Variants in PRAP1 observed in about 807,000 individuals in gnomAD.
PRAP1 encodes proline-rich acidic protein 1.
Under a neutral mutation model 14.6 loss-of-function variants are expected in PRAP1, and 12 were observed. The observed-to-expected ratio is 0.82, with a 90% CI of 0.53 to 1.33. The LOEUF (loss-of-function observed/expected upper bound fraction) is 1.33, where lower values mean the gene tolerates loss of function less well. Among genes scored for constraint, PRAP1 ranks in the 40% most tolerant of loss-of-function variants. The pLI is 0.00. For missense variants in PRAP1, 160 were observed against 193.7 expected, an observed-to-expected ratio of 0.83 and a Z score of 1.03; for synonymous variants, 81 against 80.3, an observed-to-expected ratio of 1.01 and a Z score of -0.04.
chr10:133,352,652 C>T lies in PRAP1; in HGVS notation c.*212C>T, dbSNP rs748949662. On this transcript the variant is annotated 3_prime_UTR_variant, in exon 5 of 5. Transcript: ENST00000433452. ...CAGCCTGGGCAACATGGTGAAACCC[C>T]GTCTCTACTAAAAATACAAAAATTA... 1.4e-5 allele frequency: 7 copies of T among 508,690 alleles called. No individual in the cohort carries two copies. The highest frequency in any genetic ancestry group is 1.9e-5 in the African/African-American group (1 of 51,630). The allele number at this position is 508,690 out of a possible 1,614,324, so 31.5% of individuals were successfully genotyped here. A position where few individuals can be genotyped will look rare whatever the true frequency, so the allele number is the denominator to read the frequency against.
In PRAP1 at chr10:133,347,378, A is replaced by C. The variant is rs752014237; in HGVS notation, c.-40A>C. On this transcript the variant is annotated 5_prime_UTR_variant, in exon 1 of 5. Coordinates refer to ENST00000433452, the MANE Select transcript of PRAP1 (RefSeq NM_145202.5). The surrounding 1 kb of genome is among the most constrained non-coding windows in gnomAD (Gnocchi z 5.0). Reference sequence around the variant, plus strand: ...GCCAGATACTGGGATCAGCCACTGCAGCTCCCTGAGCACTCTCTACAGAGA... The same window carrying C: ...GCCAGATACTGGGATCAGCCACTGCCGCTCCCTGAGCACTCTCTACAGAGA... 7 of 1,612,486 alleles carry C rather than the reference A, an allele frequency of 4.3e-6. No homozygotes were observed. Among genetic ancestry groups the C allele is most frequent in the Non-Finnish European group, 5.9e-6 (7 of 1,179,140 alleles).
At chr10:133,348,238 C>T (rs1435366704) in intron 1 of PRAP1, among the ~76,000 whole-genome samples, 14 of 152,148 alleles carry the variant, frequency 9.2e-5, no homozygotes, top group African/African-American at 3.4e-4. Context: ...GTCCAGTGCC[C>T]AGACAAGAGC....
intron 1 of PRAP1, among the ~76,000 whole-genome samples, chr10:133,349,367 C>T (rs1301001989): frequency 6.6e-6 from 1 of 151,884 alleles, no homozygotes; most frequent in Non-Finnish European, 1.5e-5. Context: ...CTCCGCACCA[C>T]ACACAACATA....
intron 4 of PRAP1, 43 bp from the exon 5 acceptor site, chr10:133,352,204 C>T (rs750681213): frequency 7.2e-5 from 116 of 1,610,320 alleles, no homozygotes; most frequent in African/African-American, 1.2e-4. Flanking sequence ...CCAAGGGTCT[C>T]GGGAAAGAAA....
chr10:133,351,273 G>A lies in PRAP1; in HGVS notation c.76-108G>A. 1.5e-6 allele frequency: 1 copy of A among 687,134 alleles called. No homozygotes were observed. Among genetic ancestry groups the A allele is most frequent in the Admixed American group, 2.5e-5 (1 of 39,264 alleles). 42.6% of individuals were successfully genotyped at this position (687,134 alleles called of 1,614,324 possible). ...GCTGGCCCTGCCCCCACCCCCTGCA[G>A]CCACCTCCACCCCATGCAGCCCCAG... On this transcript the variant is annotated intron_variant, in intron 2 of 4. Transcript: ENST00000433452. This position sits in a 1 kb window ranked among gnomAD's most constrained non-coding sequence, Gnocchi z 4.3.
intron 2 of PRAP1, 22 bp downstream of exon 2, chr10:133,350,183 C>G (rs1477815845): frequency 6.2e-7 from 1 of 1,607,400 alleles, no homozygotes; most frequent in Admixed American, 1.7e-5. Flanking sequence ...CCCCTCCCAT[C>G]TGGGCAGCAA....
At chr10:133,349,341 C>A (rs1229922229) in intron 1 of PRAP1, among the ~76,000 whole-genome samples, 3 of 151,740 alleles carry the variant, frequency 2.0e-5, no homozygotes, top group Non-Finnish European at 2.9e-5. Flanking sequence ...AGCACACGCA[C>A]CCCCGAACTC....
At chr10:133,350,971 G>A (rs866689968) in intron 2 of PRAP1, among the ~76,000 whole-genome samples, 76 of 136,402 alleles carry the variant, frequency 5.6e-4, no homozygotes, top group African/African-American at 1.8e-3. Context: ...GGCTCAGAGC[G>A]GCTGACCGCG....
In PRAP1 at chr10:133,352,078, A is replaced by C; in HGVS notation, c.200A>C (p.Lys67Thr). Residue 67 changes from lysine (K) to threonine (T), a missense_variant, in exon 4 of 5, where the codon AAG becomes ACG. By Grantham distance (78) the Lys-to-Thr change is moderately conservative. Coordinates refer to ENST00000433452, the MANE Select transcript of PRAP1 (RefSeq NM_145202.5). Reference protein sequence around the residue: ...DQLVVLFPVQKPKLLTTEEKP... With the variant: ...DQLVVLFPVQTPKLLTTEEKP... ...CTGGTGGTGCTGTTCCCTGTCCAGA[A>C]GCCGAAACTCTTGACCACCGAGGAG... 6.2e-7 allele frequency: 1 copy of C among 1,612,738 alleles called. No individual in the cohort carries two copies. Among genetic ancestry groups the C allele is most frequent in the Non-Finnish European group, 8.5e-7 (1 of 1,179,846 alleles).
chr10:133,350,525 T>G, intron 2 of PRAP1: 1 of 234,010 alleles, frequency 4.3e-6, no homozygotes, highest in Non-Finnish European at 8.4e-6. Context: ...GAACAGGTGA[T>G]CCCAGATGAA....
chr10:133,350,540 T>A, intron 2 of PRAP1: 1 of 209,316 alleles, frequency 4.8e-6, no homozygotes, highest in Non-Finnish European at 9.6e-6. Context: ...GATGAACCCA[T>A]GTGACCCAGG....
chr10:133,350,242 C>G, intron 2 of PRAP1, 81 bp downstream of exon 2: 1 of 1,308,400 alleles, frequency 7.6e-7, no homozygotes, highest in Non-Finnish European at 1.1e-6. Flanking sequence ...GGACAAAGGG[C>G]CCCTCTTCTG....
Position 133,352,315 on chromosome 10 carries a change from A to G in PRAP1, c.331A>G (p.Ser111Gly). The change falls in exon 5 of 5, where the codon AGC becomes GGC. Residue 111 changes from serine to glycine, a missense_variant. Coordinates refer to ENST00000433452, the MANE Select transcript of PRAP1 (RefSeq NM_145202.5). ...CCTGAGTCCCGAGCCCGACCATGAC[A>G]GCCTGTACCACCCTCCGCCTGAGGA... ...HVLSPEPDHD[S>G]LYHPPPEEDQ... 6.2e-7 allele frequency: 1 copy of G among 1,613,150 alleles called. No individual in the cohort carries two copies. The highest frequency in any genetic ancestry group is 8.5e-7 in the Non-Finnish European group (1 of 1,179,984).
At position 133,350,090 on chromosome 10, in the gene PRAP1, C is replaced by CT. The variant is rs1564794241; in HGVS notation, c.9-4dup. 6.2e-7 allele frequency: 1 copy of CT among 1,613,208 alleles called. No individual in the cohort carries two copies. Among genetic ancestry groups the CT allele is most frequent in the Non-Finnish European group, 8.5e-7 (1 of 1,179,690 alleles). On this transcript the variant is annotated splice_region_variant and splice_polypyrimidine_tract_variant and intron_variant, in intron 1 of 4. Coordinates refer to ENST00000433452, the MANE Select transcript of PRAP1 (RefSeq NM_145202.5). ...CTCACACTTCCCTCTCTGGCCCCCC[C>CT]TCAGGCTCCTCCTGGTCACCAGCCT...
chr10:133,349,759 A>G (rs1008086535), intron 1 of PRAP1, among the ~76,000 whole-genome samples: 2 of 152,104 alleles, frequency 1.3e-5, no homozygotes, highest in Non-Finnish European at 2.9e-5. Flanking sequence ...GTGTGTCCCC[A>G]CGTGGAGGGC....
At chr10:133,352,187 G>C in intron 4 of PRAP1, 47 bp downstream of exon 4, 1 of 1,611,950 alleles carries the variant, frequency 6.2e-7, no homozygotes, top group Non-Finnish European at 8.5e-7. Flanking sequence ...GGGTTGACTT[G>C]GACAGACCAA....
Position 133,351,642 on chromosome 10 carries a change from G to T in PRAP1, c.128+209G>T, listed in dbSNP as rs1848680625. 1.3e-5 allele frequency among the ~76,000 whole-genome samples: 2 copies of T among 152,202 alleles called. No individual in the cohort carries two copies. Among genetic ancestry groups the T allele is most frequent in the Admixed American group, 1.3e-4 (2 of 15,274 alleles). On this transcript the variant is annotated intron_variant, in intron 3 of 4. Transcript: ENST00000433452. The surrounding 1 kb of genome is among the most constrained non-coding windows in gnomAD (Gnocchi z 4.3). ...AAGAGAGCACAGCCGGAGGGCTTGGGGCTCCACGGTGTCTCCCTACTCAGC... is the reference window on the plus strand; with the variant it reads ...AAGAGAGCACAGCCGGAGGGCTTGGTGCTCCACGGTGTCTCCCTACTCAGC...
At position 133,351,960 on chromosome 10, in the gene PRAP1, T is replaced by C. The variant is rs750315244; in HGVS notation, c.129-47T>C. ...GGGCACCCTCCTGCGGGGGGTTCTG[T>C]CCACCTCCCCCACCTGCATGTGGAC... On this transcript the variant is annotated intron_variant, in intron 3 of 4. Transcript: ENST00000433452. This position sits in a 1 kb window ranked among gnomAD's most constrained non-coding sequence, Gnocchi z 4.3. 3 of 1,599,312 alleles carry C rather than the reference T, an allele frequency of 1.9e-6. No individual in the cohort carries two copies. Among genetic ancestry groups the C allele is most frequent in the Non-Finnish European group, 2.6e-6 (3 of 1,175,170 alleles).
chr10:133,351,333 C>T lies in PRAP1; in HGVS notation c.76-48C>T, dbSNP rs771999563. 6.4e-7 allele frequency: 1 copy of T among 1,553,682 alleles called. No homozygotes were observed. Among genetic ancestry groups the T allele is most frequent in the South Asian group, 1.2e-5 (1 of 86,224 alleles). On this transcript the variant is annotated intron_variant, in intron 2 of 4. Coordinates refer to ENST00000433452, the MANE Select transcript of PRAP1 (RefSeq NM_145202.5). The surrounding 1 kb of genome is among the most constrained non-coding windows in gnomAD (Gnocchi z 4.3). ...GGAGCAACCTCTCCCCAGGTGTCCT[C>T]CACCCGCGTGGACTGTGGCCCAGCC...
Sources: allele counts gnomAD v4.1 joint callset (sites outside exome capture counted in the v4.1 genomes callset), GRCh38; gene constraint gnomAD v4.1.1; non-coding constraint Gnocchi (gnomAD v3.1); transcripts MANE v1.5; gene names NCBI Gene and HGNC (gene_info 2026-07-23, HGNC 2026-07-21).